TAMM41: variants seen among roughly 807,000 people sequenced by gnomAD.
TAMM41 encodes the protein TAM41 mitochondrial translocator assembly and maintenance homolog.
A neutral mutation model predicts 44.1 loss-of-function variants in TAMM41; 36 were observed. The ratio of observed to expected loss-of-function variants is 0.82; its 90% CI spans 0.63 to 1.08. TAMM41 has a LOEUF of 1.08. Among genes scored for constraint, TAMM41 ranks in the 50% least tolerant of loss-of-function variants. TAMM41 has a pLI of 0.00. For missense variants in TAMM41, 417 were observed against 404.3 expected (o/e 1.03, Z -0.27); for synonymous variants, 164 against 153.1 (o/e 1.07, Z -0.53).
At chr3:11,813,478 C>T (rs751780871) in intron 5 of TAMM41, among the ~76,000 whole-genome samples, 4 of 151,996 alleles carry the variant, frequency 2.6e-5, no homozygotes, top group Non-Finnish European at 4.4e-5. Flanking sequence ...TGCAGTGAGC[C>T]GAGATTGCGC....
At chr3:11,802,404 T>G (rs778012628) in intron 7 of TAMM41, among the ~76,000 whole-genome samples, 1 of 151,944 alleles carries the variant, frequency 6.6e-6, no homozygotes, top group Non-Finnish European at 1.5e-5. Flanking sequence ...CAGAAGATCA[T>G]CAGAGACTAT....
At chr3:11,776,114 T>C in the TAMM41 span, among the ~76,000 whole-genome samples, 358 of 151,274 alleles carry the variant, frequency 2.4e-3, 1 homozygote, top group African/African-American at 7.9e-3. Context: ...CCCAGGTTCA[T>C]GCCATTCTCC....
At chr3:11,844,736 T>C (rs1034361945) in intron 1 of TAMM41, among the ~76,000 whole-genome samples, 3 of 152,224 alleles carry the variant, frequency 2.0e-5, no homozygotes, top group African/African-American at 7.2e-5. Flanking sequence ...AAGTCAGTTA[T>C]TTTATCTCTT....
intron 3 of TAMM41, among the ~76,000 whole-genome samples, chr3:11,835,770 C>T (rs966881613): frequency 3.3e-5 from 5 of 152,310 alleles, no homozygotes; most frequent in Admixed American, 1.3e-4. Context: ...AGACCATTTT[C>T]TGAGTGTCTA....
chr3:11,732,492 CA>C, the TAMM41 span, among the ~76,000 whole-genome samples: 1 of 152,146 alleles, frequency 6.6e-6, no homozygotes, highest in Non-Finnish European at 1.5e-5. Context: ...GGAGAGAGAT[CA>C]TTAGCCAGGA....
At chr3:11,733,182 A>G in the TAMM41 span, among the ~76,000 whole-genome samples, 2 of 151,056 alleles carry the variant, frequency 1.3e-5, no homozygotes, top group African/African-American at 4.9e-5. Flanking sequence ...TATTTTTGGT[A>G]TAGGCAGGGT....
At chr3:11,843,996 G>A (rs1358537307) in intron 2 of TAMM41, 33 bp downstream of exon 2, 5 of 1,601,912 alleles carry the variant, frequency 3.1e-6, no homozygotes, top group Non-Finnish European at 4.3e-6. Flanking sequence ...TAAATAACCA[G>A]CCAAGTTAAG....
the TAMM41 span, among the ~76,000 whole-genome samples, chr3:11,776,994 G>A: frequency 1.2e-4 from 19 of 152,206 alleles, no homozygotes; most frequent in African/African-American, 4.6e-4. Context: ...TAGGGGTCAG[G>A]TGGAATGGGA....
At chr3:11,760,498 G>T in the TAMM41 span, among the ~76,000 whole-genome samples, 2 of 152,142 alleles carry the variant, frequency 1.3e-5, no homozygotes, top group Admixed American at 6.6e-5. Flanking sequence ...AATGGATGAT[G>T]ATGCTATTCC....
the TAMM41 span, among the ~76,000 whole-genome samples, chr3:11,733,122 C>T: frequency 5.9e-5 from 9 of 151,576 alleles, no homozygotes; most frequent in South Asian, 2.1e-4. Context: ...CCACAGCCTC[C>T]GGAGTAGCTG....
intron 5 of TAMM41, among the ~76,000 whole-genome samples, chr3:11,815,420 G>T (rs781579582): frequency 1.3e-5 from 2 of 152,090 alleles, no homozygotes; most frequent in Non-Finnish European, 2.9e-5. Context: ...GTCTATAATG[G>T]GAAGAGTTTT....
the TAMM41 span, among the ~76,000 whole-genome samples, chr3:11,723,119 A>G: frequency 6.6e-6 from 1 of 151,940 alleles, no homozygotes; most frequent in South Asian, 2.1e-4. Flanking sequence ...CTGAGTCTCA[A>G]AAATAAAATA....
chr3:11,839,856 T>C (rs2079356458), intron 2 of TAMM41, among the ~76,000 whole-genome samples: 1 of 152,190 alleles, frequency 6.6e-6, no homozygotes, highest in Admixed American at 6.5e-5. Context: ...AGGAGACATG[T>C]GTCCAGAGGT....
chr3:11,751,385 C>A, the TAMM41 span, among the ~76,000 whole-genome samples: 1 of 152,202 alleles, frequency 6.6e-6, no homozygotes, highest in African/African-American at 2.4e-5. Context: ...AACCACCGCG[C>A]CTGGCCAAGA....
chr3:11,844,458 C>A (rs901313475), intron 1 of TAMM41, among the ~76,000 whole-genome samples: 1 of 152,152 alleles, frequency 6.6e-6, no homozygotes, highest in Non-Finnish European at 1.5e-5. Flanking sequence ...GGGTAACATA[C>A]GCAGTCACTC....
At chr3:11,722,797 C>T in the TAMM41 span, among the ~76,000 whole-genome samples, 1 of 152,086 alleles carries the variant, frequency 6.6e-6, no homozygotes, top group South Asian at 2.1e-4. Context: ...GGTGAAACCC[C>T]GTCTCTACTA....
chr3:11,755,318 A>T, the TAMM41 span, among the ~76,000 whole-genome samples: 3 of 151,600 alleles, frequency 2.0e-5, no homozygotes, highest in Non-Finnish European at 4.4e-5. Context: ...CTGGCATGGG[A>T]CCCTCTCACA....
intron 7 of TAMM41, among the ~76,000 whole-genome samples, chr3:11,798,734 C>T (rs2077671787): frequency 6.6e-6 from 1 of 152,118 alleles, no homozygotes; most frequent in African/African-American, 2.4e-5. Context: ...GAGAAACAGG[C>T]AAACCAGTCA....
the TAMM41 span, among the ~76,000 whole-genome samples, chr3:11,745,235 G>A: frequency 6.6e-6 from 1 of 152,200 alleles, no homozygotes; most frequent in Non-Finnish European, 1.5e-5. Context: ...GGAGGCTGAG[G>A]CTAGAGGATC....
Sources: allele counts gnomAD v4.1 joint callset (sites outside exome capture counted in the v4.1 genomes callset), GRCh38; gene constraint gnomAD v4.1.1; transcripts MANE v1.5; gene names NCBI Gene and HGNC (gene_info 2026-07-23, HGNC 2026-07-21).